SFPQ: variants seen among roughly 807,000 people sequenced by gnomAD.
SFPQ encodes the protein splicing factor proline and glutamine rich, also known as splicing factor, proline- and glutamine-rich.
Under a neutral mutation model 72.9 loss-of-function variants are expected in SFPQ, and 11 were observed. That is an observed-to-expected ratio of 0.15 (90% CI 0.09 to 0.25). SFPQ has a LOEUF of 0.25. SFPQ is among the 10% of genes least tolerant of loss of function. The pLI is 1.00. For missense variants in SFPQ, 847 were observed against 993.3 expected, an observed-to-expected ratio of 0.85 and a Z score of 1.98; for synonymous variants, 506 against 367.3, an observed-to-expected ratio of 1.38 and a Z score of -4.32.
chr1:35,181,860 T>C (rs1639483464), downstream of SFPQ: 1 of 985,056 alleles, frequency 1.0e-6, no homozygotes, highest in South Asian at 4.7e-5. Flanking sequence ...GAAAGTCTAT[T>C]TGAGTAAGCT....
At chr1:35,190,361 A>G (rs1369626053) in intron 4 of SFPQ, 137 bp downstream of exon 4, 5 of 643,598 alleles carry the variant, frequency 7.8e-6, no homozygotes, top group Non-Finnish European at 1.4e-5. Flanking sequence ...AATCTTTCTC[A>G]GCCTGAGATT....
chr1:35,186,234 C>CT (rs1429609556), intron 9 of SFPQ, among the ~76,000 whole-genome samples: 1 of 152,174 alleles, frequency 6.6e-6, no homozygotes, highest in Non-Finnish European at 1.5e-5. Context: ...AATGCACTCT[C>CT]TAAACCCACC....
downstream of SFPQ, chr1:35,181,033 G>C (rs1639447482): frequency 2.8e-6 from 3 of 1,064,960 alleles, no homozygotes; most frequent in Non-Finnish European, 3.4e-6. Context: ...CAAGTGTTAG[G>C]TGCTGCACTG....
Position 35,183,186 on chromosome 1 carries a change from A to G in SFPQ, c.*1270T>C. The G allele has an allele frequency of 9.8e-7, 1 of 1,019,646 alleles. No homozygotes were observed. The highest frequency in any genetic ancestry group is 1.2e-6 in the Non-Finnish European group (1 of 850,080). 63.2% of individuals were successfully genotyped at this position (1,019,646 alleles called of 1,614,324 possible). A position where few individuals can be genotyped will look rare whatever the true frequency, so the allele number is the denominator to read the frequency against. On this transcript the variant is annotated 3_prime_UTR_variant, in exon 10 of 10. Coordinates refer to ENST00000357214, the MANE Select transcript of SFPQ (RefSeq NM_005066.3). ...CAAGGAGATGTAAAAGTTACAGAGT[A>G]CAAATGTATATATAACTAAACCTAC... is the stretch of plus-strand genomic sequence containing the variant.
intron 9 of SFPQ, among the ~76,000 whole-genome samples, chr1:35,186,665 G>C (rs1020446442): frequency 6.6e-6 from 1 of 152,104 alleles, no homozygotes; most frequent in African/African-American, 2.4e-5. Flanking sequence ...CTTGGATGTA[G>C]AATAATCAGA....
intron 9 of SFPQ, 128 bp downstream of exon 9, chr1:35,186,873 T>G: frequency 7.0e-6 from 6 of 852,766 alleles, no homozygotes; most frequent in Non-Finnish European, 1.1e-5. Context: ...TATTTATGTA[T>G]GAAATTGGTA....
Position 35,190,521 on chromosome 1 carries a change from G to T in SFPQ, c.1392C>A (p.Ala464=), listed in dbSNP as rs773774379. 6.2e-7 allele frequency: 1 copy of T among 1,612,698 alleles called. No individual in the cohort carries two copies. The highest frequency in any genetic ancestry group is 1.3e-5 in the African/African-American group (1 of 74,972). The change falls in exon 4 of 10, where the codon GCC becomes GCA. Residue 464 remains alanine (A), a synonymous_variant. Transcript: ENST00000357214. ...DDEDGLPEKL[A]QKNPMYQKER... ...ACTTTTGATACATTGGATTCTTCTG[G>T]GCAAGTTTTTCAGGAAGACCATCTT...
intron 2 of SFPQ, 25 bp downstream of exon 2, chr1:35,191,316 C>A: frequency 6.2e-7 from 1 of 1,600,496 alleles, no homozygotes; most frequent in Non-Finnish European, 8.5e-7. Flanking sequence ...TTTAATTCTA[C>A]GTAAAATCAA....
At chr1:35,179,279 A>G, downstream of SFPQ, 4 of 1,060,344 alleles carry the variant, frequency 3.8e-6, no homozygotes, top group Non-Finnish European at 4.6e-6. Context: ...TAAAAGTCCA[A>G]AACTAGTCAC....
At position 35,184,403 on chromosome 1, in the gene SFPQ, G is replaced by T; in HGVS notation, c.*53C>A. ...CTAAAATGCAAGAATTTAAAAGATT[G>T]GTATCTAAACAAAAAAACAAAACAA... On this transcript the variant is annotated 3_prime_UTR_variant, in exon 10 of 10. Coordinates refer to ENST00000357214, the MANE Select transcript of SFPQ (RefSeq NM_005066.3). 1 of 1,585,894 alleles carries T rather than the reference G, an allele frequency of 6.3e-7. No homozygotes were observed. Among genetic ancestry groups the T allele is most frequent in the Non-Finnish European group, 8.5e-7 (1 of 1,171,670 alleles).
At chr1:35,185,497 G>C (rs1399281519) in intron 9 of SFPQ, among the ~76,000 whole-genome samples, 2 of 152,084 alleles carry the variant, frequency 1.3e-5, no homozygotes, top group African/African-American at 4.8e-5. Flanking sequence ...TCTAGTTTTA[G>C]GTAATTCTGG....
At position 35,192,565 on chromosome 1, in the gene SFPQ, G is replaced by A; in HGVS notation, c.485C>T (p.Pro162Leu). 2.3e-6 allele frequency: 3 copies of A among 1,328,808 alleles called. No homozygotes were observed. Among genetic ancestry groups the A allele is most frequent in the Non-Finnish European group, 2.9e-6 (3 of 1,045,652 alleles). 82.3% of individuals were successfully genotyped at this position (1,328,808 alleles called of 1,614,324 possible). A position where few individuals can be genotyped will look rare whatever the true frequency, so the allele number is the denominator to read the frequency against. The stretch of plus-strand genomic sequence containing the variant: ...TGGCGGGGTGGGTGGCGGCGCCCCG[G>A]GAGGGGCCGAGGTGACTGCAGGCGG... ...TPPPAVTSAP[P>L]GAPPPTPPSS... Residue 162 changes from proline (P) to leucine (L), a missense_variant, in exon 1 of 10, where the codon CCC (proline) becomes CTC (leucine). By Grantham distance (98) the Pro-to-Leu change is moderately conservative. Around this residue, in one of 6 missense-constraint regions of SFPQ, gnomAD observed 498 missense variants for 405.1 expected, o/e 1.23. Transcript: ENST00000357214.
intron 6 of SFPQ, 29 bp downstream of exon 6, chr1:35,188,974 G>A (rs542939018): frequency 2.6e-6 from 4 of 1,562,222 alleles, no homozygotes; most frequent in Non-Finnish European, 3.5e-6. Flanking sequence ...AAAAATAAAT[G>A]AAGGCTTAAA....
chr1:35,179,168 TC>T (rs1479518505), downstream of SFPQ: 5 of 1,060,156 alleles, frequency 4.7e-6, no homozygotes, highest in East Asian at 2.6e-4. Flanking sequence ...CTAAAACCTG[TC>T]CAAAATCATT....
chr1:35,180,545 TTG>T (rs1181544203), downstream of SFPQ: 88 of 1,049,380 alleles, frequency 8.4e-5, no homozygotes, highest in Non-Finnish European at 1.0e-4. Flanking sequence ...GTCCCATAAC[TTG>T]AACTATTCAC....
chr1:35,178,202 CT>C, downstream of SFPQ: 2 of 1,083,382 alleles, frequency 1.8e-6, no homozygotes, highest in Non-Finnish European at 2.3e-6. Context: ...GGGGGGAAAT[CT>C]AAAATTATTC....
chr1:35,186,933 C>A, intron 9 of SFPQ, 68 bp downstream of exon 9: 2 of 1,517,062 alleles, frequency 1.3e-6, no homozygotes, highest in Middle Eastern at 1.8e-4. Context: ...CAAAACAAAA[C>A]AAAACAAACA....
In SFPQ at chr1:35,190,979, G is replaced by A; in HGVS notation, c.1034C>T (p.Ala345Val). ...GFIKLESRAL[A>V]EIAKAELDDT... is the part of the protein sequence containing the mutation. Reference sequence around the variant, plus strand: ...ATCCAGTTCGGCTTTGGCAATTTCAGCCAAAGCTCTAGATTCCTGTGTATC... The same window carrying A: ...ATCCAGTTCGGCTTTGGCAATTTCAACCAAAGCTCTAGATTCCTGTGTATC... Residue 345 changes from alanine to valine, a missense_variant, in exon 3 of 10, where the codon GCT becomes GTT. Coordinates refer to ENST00000357214, the MANE Select transcript of SFPQ (RefSeq NM_005066.3). 6.2e-7 allele frequency: 1 copy of A among 1,613,522 alleles called. No homozygotes were observed. The highest frequency in any genetic ancestry group is 8.5e-7 in the Non-Finnish European group (1 of 1,179,838).
At position 35,189,343 on chromosome 1, in the gene SFPQ, C is replaced by G. The variant is rs754118017; in HGVS notation, c.1455G>C (p.Thr485=). ...ATCGCTGAGAATATTCGTACTCAAA[C>G]GTGCCATGCTGGGCAAAACGAGGAG... ...ETPPRFAQHG[T]FEYEYSQRWK... Residue 485 remains threonine, a synonymous_variant, in exon 5 of 10, where the codon ACG becomes ACC. Transcript: ENST00000357214. 9.9e-6 allele frequency: 16 copies of G among 1,613,942 alleles called. No homozygotes were observed. Among genetic ancestry groups the G allele is most frequent in the Non-Finnish European group, 1.3e-5 (15 of 1,180,016 alleles).
Sources: allele counts gnomAD v4.1 joint callset (sites outside exome capture counted in the v4.1 genomes callset), GRCh38; gene constraint gnomAD v4.1.1; regional missense constraint gnomAD v4.1.1; transcripts MANE v1.5; gene names NCBI Gene and HGNC (gene_info 2026-07-23, HGNC 2026-07-21).